IL12RB2: variants seen among roughly 807,000 people sequenced by gnomAD.
The protein encoded by IL12RB2 is interleukin-12 receptor subunit beta-2.
Under a neutral mutation model 89.4 loss-of-function variants are expected in IL12RB2, and 82 were observed. That is an observed-to-expected ratio of 0.92 (90% confidence interval 0.77 to 1.10). The LOEUF is 1.10. Ranked by LOEUF, IL12RB2 falls within the 50% of genes least tolerant of loss-of-function variation. The pLI is 0.00. For missense variants in IL12RB2, 963 were observed against 1,031.9 expected, an observed-to-expected ratio of 0.93 and a Z score of 0.92; for synonymous variants, 368 against 370.1, an observed-to-expected ratio of 0.99 and a Z score of 0.07.
chr1:67,310,634 T>C (rs1376702508), intron 1 of IL12RB2, among the ~76,000 whole-genome samples: 1 of 152,214 alleles, frequency 6.6e-6, no homozygotes, highest in East Asian at 1.9e-4. Context: ...GCAGGTAACA[T>C]TGATTGAGCT....
intron 8 of IL12RB2, among the ~76,000 whole-genome samples, chr1:67,331,817 C>T (rs138932308): frequency 2.4e-4 from 36 of 151,922 alleles, no homozygotes; most frequent in Admixed American, 1.0e-3. Context: ...CCAGCCTGGG[C>T]AACAGATCGA....
In IL12RB2 at chr1:67,396,135, C is replaced by G; in HGVS notation, c.*46C>G. The G allele has an allele frequency of 5.4e-6, 6 of 1,104,344 alleles. No individual in the cohort carries two copies. The highest frequency in any genetic ancestry group is 4.9e-5 in the South Asian group (4 of 81,150). The allele number at this position is 1,104,344 out of a possible 1,614,324, so 68.4% of individuals were successfully genotyped here. On this transcript the variant is annotated 3_prime_UTR_variant, in exon 17 of 17. Coordinates refer to ENST00000674203, the MANE Select transcript of IL12RB2 (RefSeq NM_001374259.2). ...AAAGTCAGTGTGCCCTCAACCAGCA[C>G]AGCCTGCCCCAATTCCCCCAGCCCC...
chr1:67,340,122 T>C (rs886319555), intron 9 of IL12RB2, among the ~76,000 whole-genome samples: 2 of 152,206 alleles, frequency 1.3e-5, no homozygotes, highest in Non-Finnish European at 2.9e-5. Context: ...AAGAAATGAG[T>C]GATTTCTTCT....
At chr1:67,307,765 T>G (rs951180138), upstream of IL12RB2, 1 of 152,096 alleles carries the variant, frequency 6.6e-6, no homozygotes, top group African/African-American at 2.4e-5. Flanking sequence ...CCCGGCCCGA[T>G]CCTCACTCGC....
At chr1:67,312,672 G>GA (rs113863194) in intron 1 of IL12RB2, among the ~76,000 whole-genome samples, 2,937 of 48,686 alleles carry the variant, frequency 0.06, 118 homozygotes, top group African/African-American at 0.17. Context: ...AGGAAGTTAA[G>GA]AAAAAAAAAA....
At chr1:67,374,554 C>G (rs1473362017) in intron 13 of IL12RB2, among the ~76,000 whole-genome samples, 1 of 151,418 alleles carries the variant, frequency 6.6e-6, no homozygotes, top group Non-Finnish European at 1.5e-5. Context: ...CAGCTTACTG[C>G]AACCTCTACC....
intron 10 of IL12RB2, among the ~76,000 whole-genome samples, chr1:67,353,508 G>T (rs1325447068): frequency 6.6e-6 from 1 of 152,196 alleles, no homozygotes; most frequent in East Asian, 1.9e-4. Flanking sequence ...GGTTGAGATT[G>T]CAGTGAACTG....
chr1:67,348,071 GCAC>G (rs1660427680), intron 9 of IL12RB2, among the ~76,000 whole-genome samples: 1 of 152,126 alleles, frequency 6.6e-6, no homozygotes, highest in African/African-American at 2.4e-5. Context: ...CAAACCAGCA[GCAC>G]CAGCATACAA....
intron 9 of IL12RB2, among the ~76,000 whole-genome samples, chr1:67,345,627 C>T (rs1660132968): frequency 6.6e-6 from 1 of 152,186 alleles, no homozygotes; most frequent in Non-Finnish European, 1.5e-5. Context: ...ATCTCAGAAT[C>T]AATATTTAAA....
At chr1:67,328,460 T>C in intron 6 of IL12RB2, 76 bp downstream of exon 6, 1 of 1,602,872 alleles carries the variant, frequency 6.2e-7, no homozygotes, top group Non-Finnish European at 8.5e-7. Context: ...TATATGGTTG[T>C]TTCAAGAAAG....
intron 16 of IL12RB2, among the ~76,000 whole-genome samples, 184 bp from the exon 17 acceptor site, chr1:67,395,363 C>T (rs1225179125): frequency 6.6e-6 from 1 of 152,154 alleles, no homozygotes. Context: ...TCTCTGGCTC[C>T]TGCCCCTCTG....
chr1:67,308,279 C>T (rs1188259767), intron 1 of IL12RB2, among the ~76,000 whole-genome samples: 1 of 151,840 alleles, frequency 6.6e-6, no homozygotes, highest in African/African-American at 2.4e-5. Flanking sequence ...TGGGCCGGGG[C>T]ACAGAGTGGT....
chr1:67,351,906 C>G (rs1660891976), intron 10 of IL12RB2, among the ~76,000 whole-genome samples: 1 of 152,112 alleles, frequency 6.6e-6, no homozygotes, highest in Non-Finnish European at 1.5e-5. Context: ...AATTCCATGT[C>G]AAGTTCATTG....
At position 67,396,192 on chromosome 1, in the gene IL12RB2, C is replaced by G; in HGVS notation, c.*103C>G. ...AGCAGCTGTCATCTCTGGGTGCCACCATCGGTCTGGCTGCAGCTAGAGGAC... is the reference window on the plus strand; with the variant it reads ...AGCAGCTGTCATCTCTGGGTGCCACGATCGGTCTGGCTGCAGCTAGAGGAC... On this transcript the variant is annotated 3_prime_UTR_variant, in exon 17 of 17. Coordinates refer to ENST00000674203, the MANE Select transcript of IL12RB2 (RefSeq NM_001374259.2). The G allele has an allele frequency of 1.2e-6, 1 of 816,296 alleles. No homozygotes were observed. The highest frequency in any genetic ancestry group is 2.1e-6 in the Non-Finnish European group (1 of 465,340). 50.6% of individuals were successfully genotyped at this position (816,296 alleles called of 1,614,324 possible).
intron 13 of IL12RB2, among the ~76,000 whole-genome samples, chr1:67,373,102 A>T (rs1422574828): frequency 6.6e-6 from 1 of 152,152 alleles, no homozygotes; most frequent in Non-Finnish European, 1.5e-5. Flanking sequence ...TCACTTCAGT[A>T]CTGTATAGAC....
intron 16 of IL12RB2, among the ~76,000 whole-genome samples, chr1:67,391,355 C>T (rs1665791384): frequency 9.3e-6 from 1 of 107,922 alleles, no homozygotes; most frequent in Non-Finnish European, 1.9e-5. Context: ...ATAATAACAG[C>T]AGTGTGTGTG....
intron 4 of IL12RB2, among the ~76,000 whole-genome samples, chr1:67,323,868 G>A (rs1656922886): frequency 6.6e-6 from 1 of 152,096 alleles, no homozygotes; most frequent in Non-Finnish European, 1.5e-5. Context: ...TACCAGGCAT[G>A]GAGACAACCT....
chr1:67,323,793 C>G (rs769724866), intron 4 of IL12RB2, among the ~76,000 whole-genome samples: 1 of 152,040 alleles, frequency 6.6e-6, no homozygotes, highest in Non-Finnish European at 1.5e-5. Context: ...AACAAGACAG[C>G]CAAAGGAAAA....
intron 16 of IL12RB2, among the ~76,000 whole-genome samples, 161 bp from the exon 17 acceptor site, chr1:67,395,383 CAAT>C (rs1455683168): frequency 3.3e-5 from 5 of 152,210 alleles, no homozygotes; most frequent in African/African-American, 7.2e-5. Context: ...GCCTCCCCAA[CAAT>C]GTTAACTGTT....
Sources: allele counts gnomAD v4.1 joint callset (sites outside exome capture counted in the v4.1 genomes callset), GRCh38; gene constraint gnomAD v4.1.1; transcripts MANE v1.5; gene names NCBI Gene and HGNC (gene_info 2026-07-23, HGNC 2026-07-21).